COG1: variants seen among roughly 807,000 people sequenced by gnomAD.
COG1 encodes the protein component of oligomeric golgi complex 1, also known as conserved oligomeric Golgi complex subunit 1.
COG1 carries 61 observed loss-of-function variants against 102.2 expected under a neutral mutation model. The observed-to-expected ratio is 0.60, with a 90% confidence interval of 0.49 to 0.74. The LOEUF is 0.74. Ranked by LOEUF, COG1 falls within the 30% of genes least tolerant of loss-of-function variation. The pLI is 0.00. For synonymous variants in COG1, 454 were observed against 493.6 expected (o/e 0.92, Z 1.06); for missense variants, 1,164 against 1,232.1 (o/e 0.94, Z 0.83).
At chr17:73,193,524 A>C in intron 1 of COG1, 140 bp downstream of exon 1, 1 of 737,134 alleles carries the variant, frequency 1.4e-6, no homozygotes, top group Non-Finnish European at 2.0e-6. Context: ...TCCGCCCCTC[A>C]CCCTTTGGGC....
chr17:73,200,101 G>A (rs1358656420), intron 5 of COG1, 80 bp downstream of exon 5: 9 of 1,502,192 alleles, frequency 6.0e-6, no homozygotes, highest in African/African-American at 1.4e-5. Context: ...AAGGGTCAGC[G>A]AGGCATGTGC....
At chr17:73,206,906 A>G (rs367963892) in intron 12 of COG1, 89 bp downstream of exon 12, 35 of 958,350 alleles carry the variant, frequency 3.7e-5, no homozygotes, top group Admixed American at 1.3e-4. Context: ...CCTGGCTAAC[A>G]TGGTGAAACC....
Position 73,208,387 on chromosome 17 carries a change from A to C in COG1, c.2879A>C (p.Glu960Ala). 1 of 1,614,150 alleles carries C rather than the reference A, an allele frequency of 6.2e-7. No individual in the cohort carries two copies. Residue 960 changes from glutamate to alanine, a missense_variant, in exon 14 of 14, where the codon GAA becomes GCA. Glu to Ala is a moderately radical substitution (Grantham distance 107, BLOSUM62 -1). Coordinates refer to ENST00000299886, the MANE Select transcript of COG1 (RefSeq NM_018714.3). ...PGSLFRQLVS[E>A]EDNTSAPSLF... ...TCCTTGTTCAGACAGCTTGTCAGTGAAGAAGACAACACGTCTGCACCTTCA... is the reference window on the plus strand; with the variant it reads ...TCCTTGTTCAGACAGCTTGTCAGTGCAGAAGACAACACGTCTGCACCTTCA...
intron 3 of COG1, 51 bp from the exon 4 acceptor site, chr17:73,197,175 T>C: frequency 3.1e-6 from 5 of 1,611,876 alleles, no homozygotes; most frequent in Non-Finnish European, 4.2e-6. Context: ...GTCCTCTGTC[T>C]TTCACTTTGG....
chr17:73,200,568 G>A lies in COG1; in HGVS notation c.1073G>A (p.Cys358Tyr), dbSNP rs749977511. ...CAAAGAACATGATTCTGTTGCAGGT[G>A]TAATGAAGACATTAAAAATGGGATC... ...KDTLQKWIHM[C>Y]NEDIKNGITN... The change falls in exon 6 of 14, where the codon TGT (cysteine) becomes TAT (tyrosine). Residue 358 changes from cysteine (C) to tyrosine (Y), a missense_variant and splice_region_variant. Transcript: ENST00000299886. 1 of 1,613,594 alleles carries A rather than the reference G, an allele frequency of 6.2e-7. No homozygotes were observed. The highest frequency in any genetic ancestry group is 1.1e-5 in the South Asian group (1 of 91,070).
At position 73,194,441 on chromosome 17, in the gene COG1, CAA is replaced by C. The variant is rs572388712; in HGVS notation, c.315+1073_315+1074del. 4.2e-4 allele frequency among the ~76,000 whole-genome samples: 23 copies of C among 54,948 alleles called. 2 individuals are homozygous for C. The highest frequency in any genetic ancestry group is 1.5e-3 in the African/African-American group (20 of 13,344). The allele number at this position is 54,948 out of a possible 152,430, so 36.0% of individuals were successfully genotyped here. On this transcript the variant is annotated intron_variant, in intron 1 of 13. Transcript: ENST00000299886. ...TGGGCCACAGAGCGAGACTCTGTCT[CAA>C]AAAAAAAAAAAAAAAGAATTTTTAT...
rs1281840907 is a variant in COG1 at position 73,193,241 on chromosome 17, G to T, written c.172G>T (p.Asp58Tyr). 3.7e-6 allele frequency: 6 copies of T among 1,608,626 alleles called. No homozygotes were observed. The highest frequency in any genetic ancestry group is 2.7e-5 in the African/African-American group (2 of 74,844). ...GCAGATGGTGGGCGAACGGTACCGC[G>T]ACCTGATCGAGGCGGCCGACACCAT... ...LRQMVGERYR[D>Y]LIEAADTIGQ... The change falls in exon 1 of 14, where the codon GAC becomes TAC. Residue 58 changes from aspartate to tyrosine, a missense_variant. Transcript: ENST00000299886.
intron 11 of COG1, 59 bp from the exon 12 acceptor site, chr17:73,206,649 T>C (rs1426418045): frequency 8.9e-7 from 1 of 1,123,428 alleles, no homozygotes; most frequent in South Asian, 1.3e-5. Flanking sequence ...TTTTTTTTTT[T>C]TTTTTTGCCT....
At position 73,203,084 on chromosome 17, in the gene COG1, G is replaced by A. The variant is rs772584876; in HGVS notation, c.2158G>A (p.Glu720Lys). ...LATATSWDEL[E>K]IQEEAESGSS... ...CACAGCCACCAGCTGGGATGAGCTAGAAATTCAGGAGGAGGCAGAGTCTGG... is the reference window on the plus strand; with the variant it reads ...CACAGCCACCAGCTGGGATGAGCTAAAAATTCAGGAGGAGGCAGAGTCTGG... The change falls in exon 8 of 14, where the codon GAA becomes AAA. Residue 720 changes from glutamate to lysine, a missense_variant. Transcript: ENST00000299886. 1 of 1,614,192 alleles carries A rather than the reference G, an allele frequency of 6.2e-7. No homozygotes were observed. Among genetic ancestry groups the A allele is most frequent in the African/African-American group, 1.3e-5 (1 of 75,058 alleles).
chr17:73,196,338 C>G (rs2061324837), intron 1 of COG1, 169 bp from the exon 2 acceptor site: 4 of 991,780 alleles, frequency 4.0e-6, no homozygotes, highest in Admixed American at 1.9e-5. Flanking sequence ...ACACTCCTGA[C>G]TCTGGCAACT....
intron 11 of COG1, 141 bp from the exon 12 acceptor site, chr17:73,206,567 G>A (rs572580511): frequency 1.2e-5 from 9 of 721,826 alleles, no homozygotes; most frequent in South Asian, 7.6e-5. Context: ...AAAAGTAATC[G>A]TGAAGCATAA....
Position 73,199,928 on chromosome 17 carries a change from C to A in COG1, c.977C>A (p.Ala326Glu). ...KLCSWFKHLP[A>E]SIVEFQPTLR... The stretch of plus-strand genomic sequence containing the variant: ...TGCAGCTGGTTTAAACACCTGCCAG[C>A]ATCCATCGTCGAGTTCCAGCCAACA... The change falls in exon 5 of 14, where the codon GCA (alanine) becomes GAA (glutamate). Residue 326 changes from alanine (A) to glutamate (E), a missense_variant. By Grantham distance (107) the Ala-to-Glu change is moderately radical. Transcript: ENST00000299886. The A allele has an allele frequency of 6.2e-7, 1 of 1,614,240 alleles. No individual in the cohort carries two copies. The highest frequency in any genetic ancestry group is 8.5e-7 in the Non-Finnish European group (1 of 1,180,052).
intron 4 of COG1, among the ~76,000 whole-genome samples, chr17:73,198,094 A>G (rs2061332609): frequency 6.6e-6 from 1 of 152,182 alleles, no homozygotes; most frequent in African/African-American, 2.4e-5. Flanking sequence ...GCTAGAATGG[A>G]TGCCAAGAGC....
intron 8 of COG1, 143 bp downstream of exon 8, chr17:73,203,289 TG>T (rs750385828): frequency 5.8e-5 from 62 of 1,062,088 alleles, no homozygotes; most frequent in Non-Finnish European, 7.9e-5. Flanking sequence ...GCATAGTAGA[TG>T]TAGGGCTAAG....
intron 4 of COG1, among the ~76,000 whole-genome samples, chr17:73,198,372 C>T (rs1180398636): frequency 6.6e-6 from 1 of 152,116 alleles, no homozygotes; most frequent in Non-Finnish European, 1.5e-5. Context: ...GAAGCTGAGG[C>T]AGTCCAGGAG....
At position 73,207,050 on chromosome 17, in the gene COG1, G is replaced by A. The variant is rs146354298; in HGVS notation, c.2730-131G>A. ...GGAGCTTGCAGTGAGCCGAGATTGC[G>A]CCACTGCACTCCAGCCTGGGCGACA... On this transcript the variant is annotated intron_variant, in intron 12 of 13. Coordinates refer to ENST00000299886, the MANE Select transcript of COG1 (RefSeq NM_018714.3). 3.0e-3 allele frequency: 2,371 copies of A among 782,684 alleles called. 7 individuals carry two copies. Among genetic ancestry groups the A allele is most frequent in the Non-Finnish European group, 4.1e-3 (2,009 of 488,674 alleles). The allele number at this position is 782,684 out of a possible 1,614,324, so 48.5% of individuals were successfully genotyped here. A position where few individuals can be genotyped will look rare whatever the true frequency, so the allele number is the denominator to read the frequency against.
At chr17:73,207,529 T>C (rs565823973) in intron 13 of COG1, 1 of 594,148 alleles carries the variant, frequency 1.7e-6, no homozygotes, top group Non-Finnish European at 2.9e-6. Context: ...TTGAATTTAG[T>C]AGGGTGAAAG....
At chr17:73,197,642 GA>G (rs557574581) in intron 4 of COG1, among the ~76,000 whole-genome samples, 10 of 152,310 alleles carry the variant, frequency 6.6e-5, no homozygotes, top group African/African-American at 2.4e-4. Context: ...GTTGCCTTGG[GA>G]ACATTGAATG....
chr17:73,195,961 G>C (rs2061323608), intron 1 of COG1, among the ~76,000 whole-genome samples: 1 of 152,188 alleles, frequency 6.6e-6, no homozygotes, highest in Admixed American at 6.5e-5. Context: ...TTGGAATTTA[G>C]GTTTCTTAGT....
Sources: allele counts gnomAD v4.1 joint callset (sites outside exome capture counted in the v4.1 genomes callset), GRCh38; gene constraint gnomAD v4.1.1; transcripts MANE v1.5; gene names NCBI Gene and HGNC (gene_info 2026-07-23, HGNC 2026-07-21).